GPC6: variants seen among roughly 807,000 people sequenced by gnomAD.
GPC6 encodes glypican 6, also known as glypican-6.
Under a neutral mutation model 55.2 loss-of-function variants are expected in GPC6, and 14 were observed. The ratio of observed to expected loss-of-function variants is 0.25; its 90% CI spans 0.17 to 0.40. GPC6 has a LOEUF of 0.40. Among genes scored for constraint, GPC6 ranks in the 10% least tolerant of loss-of-function variants. GPC6 has a pLI of 1.00. For synonymous variants in GPC6, 278 were observed against 259.6 expected (o/e 1.07, Z -0.68); for missense variants, 641 against 708.5 (o/e 0.90, Z 1.08).
intron 1 of GPC6, among the ~76,000 whole-genome samples, chr13:93,526,624 G>T (rs1052856800): frequency 6.6e-6 from 1 of 152,000 alleles, no homozygotes; most frequent in Non-Finnish European, 1.5e-5. Flanking sequence ...TTCAAATAAC[G>T]ATTAGGAGAT....
intron 1 of GPC6, among the ~76,000 whole-genome samples, chr13:93,364,714 T>C (rs78015250): frequency 0.074 from 11,161 of 151,108 alleles, 491 homozygotes; most frequent in East Asian, 0.12. Context: ...CACATATATA[T>C]ACACACACAT....
intron 5 of GPC6, among the ~76,000 whole-genome samples, chr13:94,304,984 G>T (rs1875867031): frequency 6.6e-6 from 1 of 152,134 alleles, no homozygotes; most frequent in Non-Finnish European, 1.5e-5. Context: ...GAAATTATTT[G>T]GCTTTATGTG....
chr13:94,079,911 A>G (rs1265931204), intron 4 of GPC6, among the ~76,000 whole-genome samples: 1 of 152,216 alleles, frequency 6.6e-6, no homozygotes, highest in Non-Finnish European at 1.5e-5. Flanking sequence ...ATATTTGCTA[A>G]TTAAATAAAT....
intron 3 of GPC6, among the ~76,000 whole-genome samples, chr13:93,841,609 C>T (rs765826135): frequency 2.0e-5 from 3 of 152,064 alleles, no homozygotes; most frequent in East Asian, 3.9e-4. Flanking sequence ...AATAGGATAA[C>T]GGTGACTCTA....
At chr13:93,514,964 T>C (rs1421108176) in intron 1 of GPC6, among the ~76,000 whole-genome samples, 3 of 152,324 alleles carry the variant, frequency 2.0e-5, no homozygotes, top group Non-Finnish European at 2.9e-5. Flanking sequence ...AATTCATGCA[T>C]TGAAGCTCGC....
At chr13:94,070,921 A>T (rs554559416) in intron 4 of GPC6, among the ~76,000 whole-genome samples, 4,259 of 152,312 alleles carry the variant, frequency 0.028, 198 homozygotes, top group African/African-American at 0.097. Flanking sequence ...AAGGAAATCT[A>T]AAAACAGAAT....
intron 1 of GPC6, among the ~76,000 whole-genome samples, chr13:93,445,635 T>A (rs1184970046): frequency 6.6e-6 from 1 of 152,238 alleles, no homozygotes; most frequent in Non-Finnish European, 1.5e-5. Flanking sequence ...TAATGCTAAT[T>A]ACACTAACTT....
chr13:93,849,169 A>G (rs1275436513), intron 3 of GPC6, among the ~76,000 whole-genome samples: 3 of 152,108 alleles, frequency 2.0e-5, no homozygotes, highest in African/African-American at 7.2e-5. Context: ...TTGAATAAAT[A>G]TTATTACTTC....
intron 6 of GPC6, among the ~76,000 whole-genome samples, chr13:94,340,141 A>C (rs1877955954): frequency 6.6e-6 from 1 of 152,168 alleles, no homozygotes; most frequent in African/African-American, 2.4e-5. Flanking sequence ...TCAGTTGCTT[A>C]TAGGTATCAA....
At chr13:93,883,310 T>A (rs1014206289) in intron 3 of GPC6, among the ~76,000 whole-genome samples, 1 of 151,974 alleles carries the variant, frequency 6.6e-6, no homozygotes, top group Non-Finnish European at 1.5e-5. Flanking sequence ...AGCCTTTACA[T>A]CACCAAATTG....
chr13:93,576,738 G>T (rs9584138), intron 2 of GPC6, among the ~76,000 whole-genome samples: 4,981 of 152,128 alleles, frequency 0.033, 256 homozygotes, highest in African/African-American at 0.11. Context: ...ACTACAAGCT[G>T]AGGCCTTGAA....
intron 2 of GPC6, among the ~76,000 whole-genome samples, chr13:93,715,378 T>C (rs1883216183): frequency 1.3e-5 from 2 of 151,504 alleles, no homozygotes; most frequent in Admixed American, 6.6e-5. Flanking sequence ...CAAAAACCAA[T>C]ATTCTCACTT....
intron 4 of GPC6, among the ~76,000 whole-genome samples, chr13:94,213,024 C>T (rs1178428530): frequency 2.6e-5 from 4 of 152,070 alleles, no homozygotes; most frequent in South Asian, 4.1e-4. Context: ...AGCGTGATGG[C>T]GGGTGCCTGT....
chr13:94,110,576 A>G (rs1190459665), intron 4 of GPC6, among the ~76,000 whole-genome samples: 1 of 152,116 alleles, frequency 6.6e-6, no homozygotes, highest in African/African-American at 2.4e-5. Context: ...AGAAAATAAC[A>G]GAGGAGATTT....
chr13:94,148,793 G>C, intron 4 of GPC6, among the ~76,000 whole-genome samples: 1 of 152,154 alleles, frequency 6.6e-6, no homozygotes, highest in Non-Finnish European at 1.5e-5. Flanking sequence ...TTGTCAATGA[G>C]ATTAGTTTTG....
intron 1 of GPC6, among the ~76,000 whole-genome samples, chr13:93,419,260 T>C (rs1479954500): frequency 1.3e-5 from 2 of 151,746 alleles, no homozygotes; most frequent in Non-Finnish European, 2.9e-5. Context: ...TGTGATTAGT[T>C]GAAAGCTAGA....
intron 5 of GPC6, among the ~76,000 whole-genome samples, chr13:94,295,251 T>C (rs1342822344): frequency 1.3e-5 from 2 of 152,162 alleles, no homozygotes; most frequent in Non-Finnish European, 2.9e-5. Context: ...CATAAGGTTG[T>C]TTGAGAGCAC....
At chr13:93,855,935 A>G (rs145519676) in intron 3 of GPC6, among the ~76,000 whole-genome samples, 1 of 151,700 alleles carries the variant, frequency 6.6e-6, no homozygotes, top group African/African-American at 2.4e-5. Flanking sequence ...GGATAACAGT[A>G]TTTTATCAGA....
chr13:94,387,170 C>T (rs958723637), intron 7 of GPC6, among the ~76,000 whole-genome samples: 1 of 152,138 alleles, frequency 6.6e-6, no homozygotes, highest in African/African-American at 2.4e-5. Context: ...TAAGCAGTGG[C>T]TCCCCTAAGG....
Sources: gnomAD v4.1 joint callset for allele counts (sites outside exome capture counted in the v4.1 genomes callset) on GRCh38, gnomAD v4.1.1 for gene constraint, MANE v1.5 for transcripts, NCBI Gene and HGNC (gene_info 2026-07-23, HGNC 2026-07-21) for gene names.